ERLEC1: variants seen among roughly 807,000 people sequenced by gnomAD.
ERLEC1 encodes ER lectin.
A neutral mutation model predicts 68.0 loss-of-function variants in ERLEC1; 47 were observed. The ratio of observed to expected loss-of-function variants is 0.69; its 90% CI spans 0.55 to 0.88. ERLEC1 has a LOEUF of 0.88. Ranked by LOEUF, ERLEC1 falls within the 40% of genes least tolerant of loss-of-function variation. The pLI, the probability that ERLEC1 is intolerant of heterozygous loss-of-function variation, is 0.00. For synonymous variants in ERLEC1, 225 were observed against 203.2 expected (o/e 1.11, Z -0.91); for missense variants, 567 against 583.8 (o/e 0.97, Z 0.30).
chr2:53,799,272 A>AT (rs1194975490), intron 6 of ERLEC1, among the ~76,000 whole-genome samples, 191 bp downstream of exon 6: 1 of 152,110 alleles, frequency 6.6e-6, no homozygotes, highest in African/African-American at 2.4e-5. Flanking sequence ...TGGTCTTTCT[A>AT]TTTACTCTTA....
At chr2:53,797,972 G>T (rs1413188189) in intron 5 of ERLEC1, among the ~76,000 whole-genome samples, 177 bp downstream of exon 5, 1 of 152,154 alleles carries the variant, frequency 6.6e-6, no homozygotes, top group East Asian at 1.9e-4. Context: ...CAAGGCAGGA[G>T]GATCACAAGG....
intron 2 of ERLEC1, 91 bp downstream of exon 2, chr2:53,794,540 C>A (rs987865543): frequency 4.9e-6 from 3 of 617,320 alleles, no homozygotes; most frequent in African/African-American, 3.9e-5. Context: ...AATTGAATAA[C>A]AGATTTCTCA....
chr2:53,808,697 C>T (rs1221499718), intron 9 of ERLEC1, among the ~76,000 whole-genome samples: 1 of 152,170 alleles, frequency 6.6e-6, no homozygotes, highest in Non-Finnish European at 1.5e-5. Context: ...GTCTGGCAAT[C>T]ATATGTGATT....
intron 8 of ERLEC1, among the ~76,000 whole-genome samples, chr2:53,803,019 G>A (rs1294203249): frequency 6.6e-6 from 1 of 152,176 alleles, no homozygotes; most frequent in East Asian, 1.9e-4. Context: ...TTGGAAATGA[G>A]CCAAAACTTC....
intron 10 of ERLEC1, among the ~76,000 whole-genome samples, chr2:53,810,205 C>T (rs929653236): frequency 1.3e-5 from 2 of 152,184 alleles, no homozygotes; most frequent in South Asian, 2.1e-4. Flanking sequence ...CATAGTGGCT[C>T]ATGCCTGTAA....
At chr2:53,797,366 T>A (rs1675768729) in intron 3 of ERLEC1, 149 bp from the exon 4 acceptor site, 1 of 578,640 alleles carries the variant, frequency 1.7e-6, no homozygotes, top group East Asian at 3.0e-5. Flanking sequence ...TTCAGAAATT[T>A]CACATTTTTT....
chr2:53,817,138 A>T (rs1354573866), intron 13 of ERLEC1, among the ~76,000 whole-genome samples: 2 of 141,378 alleles, frequency 1.4e-5, no homozygotes, highest in African/African-American at 2.6e-5. Context: ...TTATTTACTT[A>T]TTTTTTTTTT....
At chr2:53,794,589 A>G in intron 2 of ERLEC1, 140 bp downstream of exon 2, 1 of 508,960 alleles carries the variant, frequency 2.0e-6, no homozygotes, top group Non-Finnish European at 3.5e-6. Flanking sequence ...ATCACTTTTA[A>G]TATCCCTGAA....
At position 53,804,345 on chromosome 2, in the gene ERLEC1, C is replaced by T. The variant is rs79208208; in HGVS notation, c.879+2503C>T. Among the ~76,000 whole-genome samples, 117 of 152,214 alleles carry T rather than the reference C, an allele frequency of 7.7e-4. 1 individual carries two copies. The East Asian group carries it at 0.021, about 27-fold the overall frequency. ...TTGGCTCACTGTGGCGCAATCTTGG[C>T]TCACTGCAACCTCCATCTCCTGGGT... On this transcript the variant is annotated intron_variant, in intron 8 of 13. Transcript: ENST00000185150.
At chr2:53,794,948 C>T (rs1234131957) in intron 2 of ERLEC1, among the ~76,000 whole-genome samples, 5 of 152,142 alleles carry the variant, frequency 3.3e-5, no homozygotes, top group South Asian at 2.1e-4. Flanking sequence ...ACACCATGCC[C>T]GGCCGCAACC....
In ERLEC1 at chr2:53,787,267, G is replaced by T; in HGVS notation, c.57G>T (p.Leu19=). 1 of 1,608,360 alleles carries T rather than the reference G, an allele frequency of 6.2e-7. No homozygotes were observed. The highest frequency in any genetic ancestry group is 8.5e-7 in the Non-Finnish European group (1 of 1,179,938). Residue 19 remains leucine, a synonymous_variant, in exon 1 of 14, where the codon CTG becomes CTT. Coordinates refer to ENST00000185150, the MANE Select transcript of ERLEC1 (RefSeq NM_015701.5). ...RSLVPGGPVL[L]VLCGLLEASG... ...TGGTCCCGGGCGGGCCGGTGTTACT[G>T]GTCCTCTGCGGCCTCCTGGAGGCGT...
intron 1 of ERLEC1, among the ~76,000 whole-genome samples, chr2:53,794,088 C>G (rs2542589): frequency 0.27 from 40,354 of 151,978 alleles, 5,781 homozygotes; most frequent in South Asian, 0.33. Context: ...ATACTATGTT[C>G]AATACTTGGG....
chr2:53,787,905 T>C (rs1437500583), intron 1 of ERLEC1, among the ~76,000 whole-genome samples: 1 of 152,250 alleles, frequency 6.6e-6, no homozygotes, highest in Non-Finnish European at 1.5e-5. Context: ...GAGGGCTATT[T>C]GGCCTGTGAG....
chr2:53,805,367 A>G (rs530467853), intron 8 of ERLEC1, among the ~76,000 whole-genome samples: 4 of 152,064 alleles, frequency 2.6e-5, no homozygotes, highest in South Asian at 2.1e-4. Flanking sequence ...TCCATTGTGT[A>G]TATGTACCCT....
At chr2:53,815,826 C>A (rs1676847842) in intron 13 of ERLEC1, among the ~76,000 whole-genome samples, 2 of 152,090 alleles carry the variant, frequency 1.3e-5, no homozygotes, top group Non-Finnish European at 2.9e-5. Flanking sequence ...GTGATCCAGT[C>A]AGGGTATTCA....
At chr2:53,814,492 T>A (rs776311050) in intron 11 of ERLEC1, 51 bp from the exon 12 acceptor site, 2 of 1,327,834 alleles carry the variant, frequency 1.5e-6, no homozygotes, top group African/African-American at 2.9e-5. Flanking sequence ...TTACAATTAT[T>A]CTATTAGTGA....
chr2:53,806,506 C>T (rs1676301564), intron 8 of ERLEC1, among the ~76,000 whole-genome samples: 1 of 152,132 alleles, frequency 6.6e-6, no homozygotes, highest in Non-Finnish European at 1.5e-5. Context: ...TAATACGCAG[C>T]ACCTAAAGTA....
chr2:53,808,981 G>T (rs1326416303), intron 9 of ERLEC1, among the ~76,000 whole-genome samples: 1 of 152,076 alleles, frequency 6.6e-6, no homozygotes, highest in African/African-American at 2.4e-5. Context: ...TAGTACTAGT[G>T]GGAAATACAG....
intron 8 of ERLEC1, among the ~76,000 whole-genome samples, chr2:53,806,109 C>CT (rs1442385463): frequency 1.3e-5 from 2 of 152,120 alleles, no homozygotes; most frequent in African/African-American, 4.8e-5. Flanking sequence ...CAGATAAACA[C>CT]TTTTTTTCTT....
Sources: gnomAD v4.1 joint callset for allele counts (sites outside exome capture counted in the v4.1 genomes callset) on GRCh38, gnomAD v4.1.1 for gene constraint, MANE v1.5 for transcripts, NCBI Gene and HGNC (gene_info 2026-07-23, HGNC 2026-07-21) for gene names.